MAGI2: variants seen among roughly 807,000 people sequenced by gnomAD.
MAGI2 encodes membrane associated guanylate kinase, WW and PDZ domain containing 2, also known as membrane-associated guanylate kinase, WW and PDZ domain-containing protein 2.
Under a neutral mutation model 133.3 loss-of-function variants are expected in MAGI2, and 35 were observed. The observed-to-expected ratio is 0.26, with a 90% CI of 0.20 to 0.35. The LOEUF is 0.35. Among genes scored for constraint, MAGI2 ranks in the 10% least tolerant of loss-of-function variants. MAGI2 has a pLI of 1.00. For missense variants in MAGI2, 1,636 were observed against 1,863.4 expected, an observed-to-expected ratio of 0.88 and a Z score of 2.25; for synonymous variants, 729 against 710.6, an observed-to-expected ratio of 1.03 and a Z score of -0.41.
intron 2 of MAGI2, among the ~76,000 whole-genome samples, chr7:78,661,589 T>C (rs1287527694): frequency 6.6e-6 from 1 of 152,228 alleles, no homozygotes; most frequent in Non-Finnish European, 1.5e-5. Context: ...TGATTCTTTC[T>C]ACCCATTCTC....
chr7:79,069,345 A>G (rs1814711499), intron 1 of MAGI2, among the ~76,000 whole-genome samples: 1 of 152,268 alleles, frequency 6.6e-6, no homozygotes, highest in African/African-American at 2.4e-5. Context: ...TCCCTTTGCC[A>G]TTATATAATT....
At chr7:78,932,492 A>G (rs1800212508) in intron 2 of MAGI2, among the ~76,000 whole-genome samples, 1 of 151,988 alleles carries the variant, frequency 6.6e-6, no homozygotes, top group African/African-American at 2.4e-5. Context: ...GAAGGTAAAG[A>G]ACAGAAGTTA....
At chr7:78,264,866 A>G (rs964977303) in intron 9 of MAGI2, among the ~76,000 whole-genome samples, 4 of 152,198 alleles carry the variant, frequency 2.6e-5, no homozygotes, top group African/African-American at 9.6e-5. Context: ...TCAGTGGTGC[A>G]GTTAAACAGG....
At chr7:78,128,629 T>C (rs1821234857) in intron 18 of MAGI2, among the ~76,000 whole-genome samples, 1 of 152,182 alleles carries the variant, frequency 6.6e-6, no homozygotes, top group Non-Finnish European at 1.5e-5. Context: ...ATTAAGTATT[T>C]TTAAAAATCA....
intron 19 of MAGI2, among the ~76,000 whole-genome samples, chr7:78,126,606 A>T (rs1162760139): frequency 2.0e-5 from 3 of 152,236 alleles, no homozygotes; most frequent in South Asian, 2.1e-4. Flanking sequence ...ATCTCAGAGA[A>T]GTTAAGGAAG....
intron 12 of MAGI2, among the ~76,000 whole-genome samples, chr7:78,188,166 T>A (rs1827871296): frequency 1.3e-5 from 2 of 152,214 alleles, no homozygotes. Flanking sequence ...CATGGTAATT[T>A]CCTGTTTCAA....
chr7:78,893,870 G>T (rs1166198961), intron 2 of MAGI2, among the ~76,000 whole-genome samples: 1 of 151,948 alleles, frequency 6.6e-6, no homozygotes, highest in Admixed American at 6.6e-5. Flanking sequence ...AAAACTTAAA[G>T]TATAATAATA....
At chr7:78,369,296 T>G (rs931830117) in intron 6 of MAGI2, 83 bp from the exon 7 acceptor site, 14 of 987,614 alleles carry the variant, frequency 1.4e-5, no homozygotes, top group South Asian at 3.2e-5. Flanking sequence ...GTTCATGGAT[T>G]GCAGAAATGG....
chr7:78,325,299 C>T (rs2151133977), intron 9 of MAGI2, among the ~76,000 whole-genome samples: 1 of 152,276 alleles, frequency 6.6e-6, no homozygotes, highest in Middle Eastern at 3.4e-3. Flanking sequence ...AAACTGAGAA[C>T]CAATTTGTCT....
intron 2 of MAGI2, among the ~76,000 whole-genome samples, chr7:78,698,216 C>G (rs568272640): frequency 3.3e-5 from 5 of 152,248 alleles, no homozygotes; most frequent in African/African-American, 1.2e-4. Context: ...CTGTGCTGAT[C>G]AAATAAAATC....
chr7:78,539,634 G>C (rs1477249612), intron 3 of MAGI2, among the ~76,000 whole-genome samples: 1 of 152,056 alleles, frequency 6.6e-6, no homozygotes, highest in African/African-American at 2.4e-5. Flanking sequence ...TTTCCATCTT[G>C]AATCAATGTT....
intron 1 of MAGI2, among the ~76,000 whole-genome samples, chr7:79,128,114 A>G (rs1458063307): frequency 6.6e-6 from 1 of 151,894 alleles, no homozygotes; most frequent in Non-Finnish European, 1.5e-5. Flanking sequence ...AGTTGTAGAT[A>G]TGCAGCATTA....
chr7:78,468,835 T>C (rs11972334), intron 6 of MAGI2, among the ~76,000 whole-genome samples: 25,986 of 152,166 alleles, frequency 0.17, 2,381 homozygotes, highest in South Asian at 0.25. Context: ...GGTAGGAGTC[T>C]GGCAGAGGTG....
intron 6 of MAGI2, among the ~76,000 whole-genome samples, chr7:78,454,088 C>T (rs1037310620): frequency 1.3e-5 from 2 of 152,118 alleles, no homozygotes; most frequent in African/African-American, 4.8e-5. Context: ...TCAGAGCTGT[C>T]ACTGTACCAT....
At chr7:78,479,551 T>C (rs776362714) in intron 6 of MAGI2, among the ~76,000 whole-genome samples, 1 of 151,842 alleles carries the variant, frequency 6.6e-6, no homozygotes, top group Non-Finnish European at 1.5e-5. Flanking sequence ...AGACCAAAAA[T>C]AGCATTGGGA....
At chr7:78,368,956 G>T (rs1793656832) in intron 7 of MAGI2, among the ~76,000 whole-genome samples, 200 bp downstream of exon 7, 1 of 151,940 alleles carries the variant, frequency 6.6e-6, no homozygotes. Context: ...TAGAATCGTT[G>T]AGTCAAAGGA....
At chr7:78,230,686 G>A (rs896947405) in intron 10 of MAGI2, among the ~76,000 whole-genome samples, 50 of 152,216 alleles carry the variant, frequency 3.3e-4, no homozygotes, top group African/African-American at 1.0e-3. Context: ...ATTCTTCTGA[G>A]GAAAAAAGAG....
chr7:79,341,514 G>A (rs1226620865), intron 1 of MAGI2, among the ~76,000 whole-genome samples: 1 of 152,264 alleles, frequency 6.6e-6, no homozygotes, highest in Non-Finnish European at 1.5e-5. Context: ...TCTGCACTCA[G>A]AATCTGGTGC....
chr7:78,361,433 C>T (rs1004318949), intron 7 of MAGI2, among the ~76,000 whole-genome samples: 12 of 150,090 alleles, frequency 8.0e-5, no homozygotes. Flanking sequence ...AACCCCCCTC[C>T]CCCCCACAAA....
Sources: allele counts gnomAD v4.1 joint callset (sites outside exome capture counted in the v4.1 genomes callset), GRCh38; gene constraint gnomAD v4.1.1; transcripts MANE v1.5; gene names NCBI Gene and HGNC (gene_info 2026-07-23, HGNC 2026-07-21).